ERBB4: variants seen among roughly 807,000 people sequenced by gnomAD.
ERBB4 encodes the protein receptor tyrosine-protein kinase erbB-4.
A neutral mutation model predicts 158.0 loss-of-function variants in ERBB4; 42 were observed. The ratio of observed to expected loss-of-function variants is 0.27; its 90% CI spans 0.21 to 0.34. The LOEUF (loss-of-function observed/expected upper bound fraction) is 0.34, where lower values mean the gene tolerates loss of function less well. ERBB4 is among the 10% of genes least tolerant of loss of function. The pLI is 1.00. For missense variants in ERBB4, 1,333 were observed against 1,624.1 expected (o/e 0.82, Z 3.08); for synonymous variants, 583 against 558.7 (o/e 1.04, Z -0.61).
chr2:211,679,305 G>T, intron 12 of ERBB4, 121 bp from the exon 13 acceptor site: 2 of 1,072,744 alleles, frequency 1.9e-6, no homozygotes, highest in Non-Finnish European at 2.8e-6. Flanking sequence ...AAATGACTTT[G>T]GTGGCCTATC....
At chr2:212,239,433 A>G (rs938508311) in intron 1 of ERBB4, among the ~76,000 whole-genome samples, 1 of 152,236 alleles carries the variant, frequency 6.6e-6, no homozygotes, top group African/African-American at 2.4e-5. Context: ...TACAATTTGT[A>G]GCAAAGTGTT....
chr2:211,747,496 G>C (rs780272852), intron 5 of ERBB4, among the ~76,000 whole-genome samples: 5 of 152,234 alleles, frequency 3.3e-5, no homozygotes, highest in Non-Finnish European at 7.4e-5. Context: ...CATCTAGAAG[G>C]GGGTATTTTT....
At position 211,705,345 on chromosome 2, in the gene ERBB4, C is replaced by A. The variant is rs745408040; in HGVS notation, c.1171G>T (p.Val391Phe). The change falls in exon 10 of 28, where the codon GTC becomes TTC. Residue 391 changes from valine (V) to phenylalanine (F), a missense_variant. Physicochemically the swap from Val to Phe is conservative, Grantham distance 50. This residue lies in a region of ERBB4 where 438 missense variants were observed against 586.9 expected (regional missense o/e 0.75). Coordinates refer to ENST00000342788, the MANE Select transcript of ERBB4 (RefSeq NM_005235.3). ...GTTATCTCTCTGACTGTCCGAAAGA[C>A]GTTCAGTTTCTCTGGGTCTATGGCT... ...IEAIDPEKLN[V>F]FRTVREITGF... The A allele has an allele frequency of 6.2e-7, 1 of 1,612,812 alleles. No individual in the cohort carries two copies. The highest frequency in any genetic ancestry group is 8.5e-7 in the Non-Finnish European group (1 of 1,178,866).
At chr2:212,305,122 T>C (rs1187600618) in intron 1 of ERBB4, among the ~76,000 whole-genome samples, 3 of 151,470 alleles carry the variant, frequency 2.0e-5, no homozygotes, top group African/African-American at 7.2e-5. Context: ...TAATGGTTGA[T>C]CCAGTCTCCT....
chr2:211,957,133 C>A (rs73079345), intron 2 of ERBB4, among the ~76,000 whole-genome samples: 1 of 151,936 alleles, frequency 6.6e-6, no homozygotes, highest in Non-Finnish European at 1.5e-5. Context: ...CCCAGCCAAA[C>A]CCCCATAATG....
At chr2:212,231,154 T>C (rs1443451968) in intron 1 of ERBB4, among the ~76,000 whole-genome samples, 2 of 152,174 alleles carry the variant, frequency 1.3e-5, no homozygotes, top group African/African-American at 4.8e-5. Context: ...AGAAATTTTT[T>C]CAAGAAGTGT....
rs1331770274 is a variant in ERBB4 at position 211,549,265 on chromosome 2, T to G, written c.2487+12638A>C. On this transcript the variant is annotated intron_variant, in intron 20 of 27. Transcript: ENST00000342788. The stretch of plus-strand genomic sequence containing the variant: ...GGTTTTGTTGTCTGAGAAATTGACT[T>G]ATTTCTAGCAATGGAGGTGGGAACA... Among the ~76,000 whole-genome samples the G allele has an allele frequency of 3.9e-5, 6 of 152,102 alleles. 1 individual carries two copies. The East Asian group carries it at 1.2e-3, about 29-fold the overall frequency.
chr2:211,394,156 T>A (rs2062862623), intron 25 of ERBB4, among the ~76,000 whole-genome samples: 1 of 146,810 alleles, frequency 6.8e-6, no homozygotes, highest in South Asian at 2.1e-4. Context: ...GTTCCTGCTT[T>A]AAGTTGCTGC....
intron 1 of ERBB4, among the ~76,000 whole-genome samples, chr2:212,468,861 C>T (rs560064907): frequency 6.6e-6 from 1 of 152,306 alleles, no homozygotes; most frequent in South Asian, 2.1e-4. Flanking sequence ...GGATATATTT[C>T]CTTTATAAGT....
chr2:212,229,150 T>A lies in ERBB4; in HGVS notation c.83-104247A>T, dbSNP rs1255628323. 3.3e-5 allele frequency among the ~76,000 whole-genome samples: 5 copies of A among 152,142 alleles called. No homozygotes were observed. The East Asian group carries it at 9.6e-4, about 29-fold the overall frequency. On this transcript the variant is annotated intron_variant, in intron 1 of 27. Transcript: ENST00000342788. Reference sequence around the variant, plus strand: ...ACAGTGTTGCAATTAAGGAACACAGTCTAATGTGGAAAATATAATGAGGGA... The same window carrying A: ...ACAGTGTTGCAATTAAGGAACACAGACTAATGTGGAAAATATAATGAGGGA...
intron 2 of ERBB4, among the ~76,000 whole-genome samples, chr2:212,061,936 T>C (rs1004839431): frequency 2.0e-4 from 31 of 151,848 alleles, no homozygotes; most frequent in Admixed American, 1.4e-3. Context: ...GGTTTCTCCA[T>C]GTTGGTCAGA....
At chr2:212,076,322 T>C (rs2078273580) in intron 2 of ERBB4, among the ~76,000 whole-genome samples, 1 of 151,916 alleles carries the variant, frequency 6.6e-6, no homozygotes, top group Admixed American at 6.6e-5. Context: ...AGTAAAGTGT[T>C]AGATCATGAG....
chr2:212,387,699 T>C (rs773773936), intron 1 of ERBB4, among the ~76,000 whole-genome samples: 2 of 152,154 alleles, frequency 1.3e-5, no homozygotes, highest in Non-Finnish European at 2.9e-5. Context: ...ATTACAGGTG[T>C]GGGCCACCAT....
intron 1 of ERBB4, among the ~76,000 whole-genome samples, chr2:212,269,360 T>C (rs751560193): frequency 6.6e-5 from 10 of 151,804 alleles, no homozygotes; most frequent in South Asian, 4.1e-4. Flanking sequence ...GCCCAATTCA[T>C]ACCTTAACAA....
intron 2 of ERBB4, among the ~76,000 whole-genome samples, chr2:211,968,270 A>G (rs2081356468): frequency 6.6e-6 from 1 of 152,038 alleles, no homozygotes. Context: ...AGTTTTAACC[A>G]TGAATGGTTT....
chr2:212,357,976 C>T (rs2089529236), intron 1 of ERBB4, among the ~76,000 whole-genome samples: 1 of 151,864 alleles, frequency 6.6e-6, no homozygotes, highest in Non-Finnish European at 1.5e-5. Context: ...ATTCATTGCT[C>T]TCCTATTTGT....
intron 19 of ERBB4, among the ~76,000 whole-genome samples, chr2:211,587,849 G>T (rs1442826767): frequency 1.3e-5 from 2 of 152,166 alleles, no homozygotes; most frequent in Non-Finnish European, 2.9e-5. Context: ...CTTGACCTGG[G>T]ATTATATTCC....
chr2:211,961,752 T>A (rs150431648), intron 2 of ERBB4, among the ~76,000 whole-genome samples: 55 of 152,142 alleles, frequency 3.6e-4, no homozygotes, highest in African/African-American at 1.2e-3. Context: ...ATCATGAATA[T>A]GCAATTAACA....
At chr2:212,347,956 G>A (rs994207394) in intron 1 of ERBB4, among the ~76,000 whole-genome samples, 3 of 151,932 alleles carry the variant, frequency 2.0e-5, no homozygotes, top group Admixed American at 1.3e-4. Context: ...GCTATTTTTA[G>A]GTGAAATAGC....
Sources: gnomAD v4.1 joint callset for allele counts (sites outside exome capture counted in the v4.1 genomes callset) on GRCh38, gnomAD v4.1.1 for gene constraint, gnomAD v4.1.1 regional missense constraint, MANE v1.5 for transcripts, NCBI Gene and HGNC (gene_info 2026-07-23, HGNC 2026-07-21) for gene names.